Variants in FAM186A observed in about 807,000 individuals in gnomAD.
The protein encoded by FAM186A is family with sequence similarity 186 member A.
A neutral mutation model predicts 216.8 loss-of-function variants in FAM186A; 163 were observed. That is an observed-to-expected ratio of 0.75 (90% CI 0.66 to 0.86). The LOEUF (loss-of-function observed/expected upper bound fraction) is 0.86. Ranked by LOEUF, FAM186A falls within the 40% of genes least tolerant of loss-of-function variation. The pLI is 0.00. For missense variants in FAM186A, 2,184 were observed against 2,746.2 expected, an observed-to-expected ratio of 0.80 and a Z score of 4.58; for synonymous variants, 805 against 1,025.3, an observed-to-expected ratio of 0.79 and a Z score of 4.10.
At chr12:50,390,591 C>T (rs1298938854) in intron 1 of FAM186A, among the ~76,000 whole-genome samples, 1 of 152,146 alleles carries the variant, frequency 6.6e-6, no homozygotes, top group Non-Finnish European at 1.5e-5. Flanking sequence ...TTTCCTGCTG[C>T]TGTCCATTAC....
At chr12:50,358,563 A>T (rs1456707656) in intron 3 of FAM186A, among the ~76,000 whole-genome samples, 2 of 152,066 alleles carry the variant, frequency 1.3e-5, no homozygotes, top group East Asian at 3.9e-4. Context: ...AGCTTGGACG[A>T]CAGAGCAAAA....
chr12:50,371,757 A>AT (rs1271520664), intron 1 of FAM186A, among the ~76,000 whole-genome samples: 1 of 152,214 alleles, frequency 6.6e-6, no homozygotes, highest in Non-Finnish European at 1.5e-5. Flanking sequence ...ACTTAAAACT[A>AT]TTGTACTATA....
chr12:50,392,978 G>C (rs923363354), intron 1 of FAM186A, among the ~76,000 whole-genome samples: 1 of 146,806 alleles, frequency 6.8e-6, no homozygotes, highest in African/African-American at 2.5e-5. Context: ...CCAGGCTGGA[G>C]TGCGGTGGCG....
chr12:50,366,108 C>A, intron 1 of FAM186A: 1 of 642,682 alleles, frequency 1.6e-6, no homozygotes, highest in South Asian at 1.8e-5. Flanking sequence ...TATATACGAG[C>A]TTTGATTAAT....
In FAM186A at chr12:50,354,054, T is replaced by G; in HGVS notation, c.2778A>C (p.Glu926Asp). 6.4e-7 allele frequency: 1 copy of G among 1,551,750 alleles called. No homozygotes were observed. Among genetic ancestry groups the G allele is most frequent in the Non-Finnish European group, 8.7e-7 (1 of 1,147,000 alleles). Residue 926 changes from glutamate (E) to aspartate (D), a missense_variant, in exon 4 of 8, where the codon GAA becomes GAC. This residue lies in a region of FAM186A where 1,132 missense variants were observed against 1,263.4 expected (regional missense o/e 0.90). Transcript: ENST00000327337. ...GTGTTTTCATTTTTTGGGTCCCTTC[T>G]TCCAGCCGCTGCAGGCTTGACTTTG... is the stretch of plus-strand genomic sequence containing the variant. ...ELPKSSLQRL[E>D]EGTQKMKTQG...
chr12:50,359,943 T>G (rs1943016197), intron 3 of FAM186A, among the ~76,000 whole-genome samples: 1 of 152,140 alleles, frequency 6.6e-6, no homozygotes, highest in Admixed American at 6.6e-5. Context: ...ATGGAAATGT[T>G]CTAAAATTAG....
intron 4 of FAM186A, among the ~76,000 whole-genome samples, chr12:50,344,410 C>T (rs552926269): frequency 1.3e-5 from 2 of 152,216 alleles, no homozygotes; most frequent in South Asian, 4.2e-4. Context: ...GGATAATGGC[C>T]TCCAACTGCA....
intron 7 of FAM186A, 73 bp from the exon 8 acceptor site, chr12:50,327,477 A>T: frequency 8.7e-7 from 1 of 1,144,154 alleles, no homozygotes; most frequent in Non-Finnish European, 1.2e-6. Context: ...TAGGTGAGTC[A>T]TAGGGAAAAT....
At chr12:50,346,556 A>G (rs1230622824) in intron 4 of FAM186A, among the ~76,000 whole-genome samples, 6 of 152,110 alleles carry the variant, frequency 3.9e-5, no homozygotes, top group African/African-American at 1.2e-4. Flanking sequence ...TTATTTAAAC[A>G]TACAAAAATC....
chr12:50,380,997 C>T (rs1012752092), intron 1 of FAM186A, among the ~76,000 whole-genome samples: 1 of 152,072 alleles, frequency 6.6e-6, no homozygotes, highest in African/African-American at 2.4e-5. Context: ...AGTGCCGACT[C>T]CCTGTGAGGC....
At chr12:50,356,451 TTC>T (rs1277478402) in intron 3 of FAM186A, among the ~76,000 whole-genome samples, 1 of 152,216 alleles carries the variant, frequency 6.6e-6, no homozygotes, top group Non-Finnish European at 1.5e-5. Context: ...CTAGAAGTTT[TTC>T]TTTCTTTTTT....
intron 1 of FAM186A, chr12:50,365,825 A>G (rs1002193753): frequency 2.0e-5 from 15 of 760,212 alleles, no homozygotes; most frequent in Admixed American, 3.4e-5. Context: ...TTCAGGTTGT[A>G]TGAGGACACC....
At chr12:50,363,100 T>G in intron 2 of FAM186A, 45 bp downstream of exon 2, 1 of 1,430,900 alleles carries the variant, frequency 7.0e-7, no homozygotes, top group South Asian at 1.4e-5. Flanking sequence ...CTTCTCTTTT[T>G]CATTAACTTT....
intron 1 of FAM186A, among the ~76,000 whole-genome samples, chr12:50,369,891 G>A (rs992028778): frequency 6.6e-6 from 1 of 151,802 alleles, no homozygotes; most frequent in African/African-American, 2.4e-5. Flanking sequence ...TTGGGAGGCC[G>A]AGGAGGGTGG....
chr12:50,383,276 A>G (rs371052646), intron 1 of FAM186A, among the ~76,000 whole-genome samples: 914 of 31,716 alleles, frequency 0.029, 18 homozygotes, highest in Non-Finnish European at 0.067. Context: ...AAAAAAAAAA[A>G]AAAGAGAGAG....
At chr12:50,386,332 G>A (rs544035680) in intron 1 of FAM186A, among the ~76,000 whole-genome samples, 12 of 152,168 alleles carry the variant, frequency 7.9e-5, no homozygotes, top group African/African-American at 2.9e-4. Flanking sequence ...GGAGGCAGGA[G>A]AATCGCTTGA....
chr12:50,331,797 G>A lies in FAM186A; in HGVS notation c.6721C>T (p.Leu2241Phe). Residue 2241 changes from leucine (L) to phenylalanine (F), a missense_variant, in exon 6 of 8, where the codon CTT becomes TTT. By Grantham distance (22) the Leu-to-Phe change is conservative (BLOSUM62 0). This residue lies in a region of FAM186A where 721 missense variants were observed against 816.4 expected (regional missense o/e 0.88). Coordinates refer to ENST00000327337, the MANE Select transcript of FAM186A (RefSeq NM_001145475.3). ...ATGATTAAGGGGATAGGTTGACTAA[G>A]ATTCAATTCATGTATCTTTTTGAGC... ...NQLKKIHELN[L>F]SQPIPLIIEE... 4 of 1,535,272 alleles carry A rather than the reference G, an allele frequency of 2.6e-6. No homozygotes were observed. Among genetic ancestry groups the A allele is most frequent in the Non-Finnish European group, 3.5e-6 (4 of 1,143,288 alleles).
chr12:50,368,643 T>A (rs1323440664), intron 1 of FAM186A, among the ~76,000 whole-genome samples: 1 of 152,090 alleles, frequency 6.6e-6, no homozygotes, highest in East Asian at 1.9e-4. Flanking sequence ...TGGCTTTTTT[T>A]TCTTTTGCAG....
chr12:50,337,459 AT>A (rs770966416), intron 4 of FAM186A, among the ~76,000 whole-genome samples: 1,688 of 133,478 alleles, frequency 0.013, 24 homozygotes, highest in African/African-American at 0.036. Flanking sequence ...AGGCCTGCCA[AT>A]TTTTTTTTTT....
Sources: gnomAD v4.1 joint callset for allele counts (sites outside exome capture counted in the v4.1 genomes callset) on GRCh38, gnomAD v4.1.1 for gene constraint, gnomAD v4.1.1 regional missense constraint, MANE v1.5 for transcripts, NCBI Gene and HGNC (gene_info 2026-07-23, HGNC 2026-07-21) for gene names.